KRT75: variants seen among roughly 807,000 people sequenced by gnomAD.
KRT75 encodes the protein keratin 75.
In KRT75, 35 loss-of-function variants were observed where a neutral mutation model predicts 48.8. The observed-to-expected ratio is 0.72, with a 90% CI of 0.55 to 0.95. The LOEUF is 0.95. KRT75 is among the 40% of genes least tolerant of loss of function. KRT75 has a pLI of 0.00. For synonymous variants in KRT75, 301 were observed against 282.3 expected (o/e 1.07, Z -0.66); for missense variants, 776 against 709.9 (o/e 1.09, Z -1.06).
chr12:52,431,630 A>G lies in KRT75; in HGVS notation c.783T>C (p.Asp261=), dbSNP rs1940145574. 6.2e-7 allele frequency: 1 copy of G among 1,613,172 alleles called. No individual in the cohort carries two copies. Among genetic ancestry groups the G allele is most frequent in the African/African-American group, 1.3e-5 (1 of 74,936 alleles). The change falls in exon 4 of 9, where the codon GAT becomes GAC. Residue 261 remains aspartate, a synonymous_variant. Transcript: ENST00000252245. ...NEFVALKKDV[D]AAYMNKVELE... ...GCTCCACCTTGTTCATATAGGCAGC[A>G]TCTACGTCCTGGAATGACAGCGCAG...
At chr12:52,431,458 C>T (rs1592163934) in intron 4 of KRT75, 85 bp downstream of exon 4, 1 of 1,043,472 alleles carries the variant, frequency 9.6e-7, no homozygotes, top group South Asian at 1.3e-5. Flanking sequence ...GGCAGAGGCA[C>T]TGAATGAATG....
At position 52,434,124 on chromosome 12, in the gene KRT75, T is replaced by C. The variant is rs1172394301; in HGVS notation, c.181A>G (p.Ser61Gly). ...SSAGASFGSR[S>G]LYNLGGAKRV... ...TTGGCACCCCCCAGGTTGTAGAGGCTGCGGCTTCCAAAGCTGGCCCCAGCA... is the reference window on the plus strand; with the variant it reads ...TTGGCACCCCCCAGGTTGTAGAGGCCGCGGCTTCCAAAGCTGGCCCCAGCA... The change falls in exon 1 of 9, where the codon AGC becomes GGC. Residue 61 changes from serine (S) to glycine (G), a missense_variant. Transcript: ENST00000252245. 6.2e-7 allele frequency: 1 copy of C among 1,613,910 alleles called. No homozygotes were observed. The highest frequency in any genetic ancestry group is 1.7e-5 in the Admixed American group (1 of 59,994).
At chr12:52,426,095 G>A (rs1403740876) in intron 8 of KRT75, among the ~76,000 whole-genome samples, 1 of 152,142 alleles carries the variant, frequency 6.6e-6, no homozygotes, top group Non-Finnish European at 1.5e-5. Flanking sequence ...TGCCCATCAA[G>A]AAAACCAAAC....
rs775458872 is a variant in KRT75 at position 52,424,652 on chromosome 12, A to T, written c.1521T>A (p.Ser507Arg). ...GGGSGYSFTTSGGHSLGAGLG... is the reference protein window; with the variant it reads ...GGGSGYSFTTRGGHSLGAGLG... ...GGCCTGCACCCAGGCTATGCCCACC[A>T]CTGGTGGTGAAGGAGTAGCCGCTGC... Residue 507 changes from serine to arginine, a missense_variant, in exon 9 of 9, where the codon AGT becomes AGA. By Grantham distance (110) the Ser-to-Arg change is moderately radical. Coordinates refer to ENST00000252245, the MANE Select transcript of KRT75 (RefSeq NM_004693.3). 1 of 1,614,122 alleles carries T rather than the reference A, an allele frequency of 6.2e-7. No homozygotes were observed. The highest frequency in any genetic ancestry group is 1.1e-5 in the South Asian group (1 of 91,084).
chr12:52,432,321 G>T (rs1489615399), intron 2 of KRT75, among the ~76,000 whole-genome samples: 1 of 152,164 alleles, frequency 6.6e-6, no homozygotes, highest in African/African-American at 2.4e-5. Context: ...ATATACTTAT[G>T]CAACTCCATC....
In KRT75 at chr12:52,430,686, G is replaced by T. The variant is rs1940133264; in HGVS notation, c.890C>A (p.Thr297Asn). The change falls in exon 5 of 9, where the codon ACC becomes AAC. Residue 297 changes from threonine (T) to asparagine (N), a missense_variant. Physicochemically the swap from Thr to Asn is moderately conservative, Grantham distance 65 (BLOSUM62 0). Coordinates refer to ENST00000252245, the MANE Select transcript of KRT75 (RefSeq NM_004693.3). ...VFDAELSQLQ[T>N]QVGDTSVVLS... ...CACCACGGATGTGTCACCGACCTGG[G>T]TCTGCAACTGGGACAGCTCCTGCAG... The T allele has an allele frequency of 3.7e-6, 6 of 1,614,182 alleles. No individual in the cohort carries two copies. The East Asian group carries it at 1.1e-4, about 30-fold the overall frequency.
At position 52,424,189 on chromosome 12, in the gene KRT75, T is replaced by A. The variant is rs552086227; in HGVS notation, c.*328A>T. ...GGGTGACAACCTGGCATTGAGAGAC[T>A]CCCCAGCCTCTGCATCTGGAGGGAG... On this transcript the variant is annotated 3_prime_UTR_variant, in exon 9 of 9. Transcript: ENST00000252245. The A allele has an allele frequency of 1.8e-4, 78 of 430,694 alleles. No homozygotes were observed. The East Asian group carries it at 3.7e-3, about 20-fold the overall frequency. 26.7% of individuals were successfully genotyped at this position (430,694 alleles called of 1,614,324 possible). A position where few individuals can be genotyped will look rare whatever the true frequency, so the allele number is the denominator to read the frequency against.
chr12:52,433,856 C>A lies in KRT75; in HGVS notation c.449G>T (p.Arg150Leu), dbSNP rs201256120. 6.2e-7 allele frequency: 1 copy of A among 1,614,142 alleles called. No homozygotes were observed. The highest frequency in any genetic ancestry group is 8.5e-7 in the Non-Finnish European group (1 of 1,180,024). Reference protein sequence around the residue: ...PTIQRVRAEEREQIKTLNNKF... With the variant: ...PTIQRVRAEELEQIKTLNNKF... ...ATTGTTGAGGGTCTTGATCTGCTCG[C>A]GCTCCTCGGCCCGCACCCGCTGGAT... Residue 150 changes from arginine to leucine, a missense_variant, in exon 1 of 9, where the codon CGC becomes CTC. By Grantham distance (102) the Arg-to-Leu change is moderately radical (BLOSUM62 -2). Transcript: ENST00000252245.
Position 52,434,269 on chromosome 12 carries a change from G to A in KRT75, c.36C>T (p.Gly12=). 6.3e-7 allele frequency: 1 copy of A among 1,587,504 alleles called. No individual in the cohort carries two copies. Among genetic ancestry groups the A allele is most frequent in the Non-Finnish European group, 8.5e-7 (1 of 1,171,278 alleles). The part of the protein sequence containing the change: ...SRQSSITFQS[G]SRRGFSTTSA... ...AGGTGGTGCTGAAGCCCCTGCGGCT[G>A]CCAGACTGGAAGGTGATGGAGGACT... The change falls in exon 1 of 9, where the codon GGC becomes GGT. Residue 12 remains glycine (G), a synonymous_variant. Transcript: ENST00000252245.
rs772885849 is a variant in KRT75 at position 52,433,850 on chromosome 12, T to C, written c.455A>G (p.Gln152Arg). 2 of 1,614,080 alleles carry C rather than the reference T, an allele frequency of 1.2e-6. No homozygotes were observed. Among genetic ancestry groups the C allele is most frequent in the East Asian group, 4.5e-5 (2 of 44,886 alleles). ...GAACTTATTGTTGAGGGTCTTGATC[T>C]GCTCGCGCTCCTCGGCCCGCACCCG... ...IQRVRAEERE[Q>R]IKTLNNKFAS... is the part of the protein sequence containing the mutation. The change falls in exon 1 of 9, where the codon CAG becomes CGG. Residue 152 changes from glutamine to arginine, a missense_variant. Transcript: ENST00000252245.
At chr12:52,432,169 T>C (rs1043882973) in intron 2 of KRT75, 103 bp from the exon 3 acceptor site, 6 of 1,125,488 alleles carry the variant, frequency 5.3e-6, no homozygotes, top group African/African-American at 1.5e-5. Flanking sequence ...TTTCCAGCTC[T>C]TCTGCTGACC....
chr12:52,432,795 G>A (rs1940161449), intron 2 of KRT75, among the ~76,000 whole-genome samples: 2 of 152,182 alleles, frequency 1.3e-5, no homozygotes, highest in South Asian at 4.1e-4. Flanking sequence ...GCAATATTTT[G>A]TCGGATGATG....
chr12:52,430,791 TCC>T, intron 4 of KRT75, 86 bp from the exon 5 acceptor site: 1 of 1,452,126 alleles, frequency 6.9e-7, no homozygotes, highest in East Asian at 2.3e-5. Flanking sequence ...AGGTCAGGAA[TCC>T]TTTCCTTGGT....
chr12:52,424,300 T>C lies in KRT75; in HGVS notation c.*217A>G. ...ATGAGAGCCTTAGGAGAGAGCAGGC[T>C]TTGGTTTCACATGTGTAACAGACGG... On this transcript the variant is annotated 3_prime_UTR_variant, in exon 9 of 9. Transcript: ENST00000252245. The C allele has an allele frequency of 3.0e-6, 2 of 665,908 alleles. No individual in the cohort carries two copies. Among genetic ancestry groups the C allele is most frequent in the Non-Finnish European group, 5.4e-6 (2 of 367,680 alleles). The allele number at this position is 665,908 out of a possible 1,614,324, so 41.2% of individuals were successfully genotyped here.
At chr12:52,432,915 A>T (rs1940163080) in intron 2 of KRT75, 123 bp downstream of exon 2, 4 of 915,808 alleles carry the variant, frequency 4.4e-6, no homozygotes, top group Non-Finnish European at 7.0e-6. Flanking sequence ...ACCTTGCAGG[A>T]TAAAGGCTGC....
At chr12:52,433,428 C>T (rs1565793710) in intron 1 of KRT75, among the ~76,000 whole-genome samples, 176 bp from the exon 2 acceptor site, 1 of 147,342 alleles carries the variant, frequency 6.8e-6, no homozygotes, top group South Asian at 2.1e-4. Context: ...GCAAAGTTCC[C>T]TAGGGCTTGC....
At chr12:52,431,384 A>T (rs540776164) in intron 4 of KRT75, among the ~76,000 whole-genome samples, 159 bp downstream of exon 4, 1 of 152,236 alleles carries the variant, frequency 6.6e-6, no homozygotes, top group South Asian at 2.1e-4. Flanking sequence ...ACAAGGCTCC[A>T]AGTGGTTCTC....
rs778032104 is a variant in KRT75, at chr12:52,433,172, C to T, written c.579G>A (p.Arg193=). The part of the protein sequence containing the change: ...LLQEQGSRTV[R]QNLEPLFDSY... ...AATCAAAGAGGGGCTCTAGGTTCTG[C>T]CTCACAGTCCTGGAGCCCTGCTCCT... The change falls in exon 2 of 9, where the codon AGG becomes AGA. Residue 193 remains arginine (R), a synonymous_variant. Transcript: ENST00000252245. 1 of 1,614,114 alleles carries T rather than the reference C, an allele frequency of 6.2e-7. No homozygotes were observed. The highest frequency in any genetic ancestry group is 1.1e-5 in the South Asian group (1 of 91,070).
chr12:52,430,836 G>T, intron 4 of KRT75, 131 bp from the exon 5 acceptor site: 1 of 1,011,928 alleles, frequency 9.9e-7, no homozygotes, highest in Non-Finnish European at 1.5e-6. Context: ...TATTCCCTAG[G>T]TATTCCCATT....
Sources: allele counts gnomAD v4.1 joint callset (sites outside exome capture counted in the v4.1 genomes callset), GRCh38; gene constraint gnomAD v4.1.1; transcripts MANE v1.5; gene names NCBI Gene and HGNC (gene_info 2026-07-23, HGNC 2026-07-21).